Variants in PRAG1 observed in about 807,000 individuals in gnomAD.
PRAG1 encodes PEAK1 related, kinase-activating pseudokinase 1.
A neutral mutation model predicts 95.6 loss-of-function variants in PRAG1; 110 were observed. The observed-to-expected ratio is 1.15, with a 90% CI of 0.99 to 1.35. The LOEUF is 1.35. PRAG1 is among the 40% of genes most tolerant of loss of function. The pLI, the probability that PRAG1 is intolerant of heterozygous loss-of-function variation, is 0.00. For missense variants in PRAG1, 2,554 were observed against 1,864.7 expected, an observed-to-expected ratio of 1.37 and a Z score of -6.81; for synonymous variants, 1,052 against 819.4, an observed-to-expected ratio of 1.28 and a Z score of -4.85.
At chr8:8,351,354 C>G (rs957492432) in intron 3 of PRAG1, among the ~76,000 whole-genome samples, 1 of 152,098 alleles carries the variant, frequency 6.6e-6, no homozygotes, top group African/African-American at 2.4e-5. Flanking sequence ...CCACCAGACC[C>G]CATCTCCAAT....
In PRAG1 at chr8:8,328,172, G is replaced by C. The variant is rs773085902; in HGVS notation, c.2610C>G (p.Asn870Lys). The C allele has an allele frequency of 6.2e-7, 1 of 1,614,074 alleles. No individual in the cohort carries two copies. Among genetic ancestry groups the C allele is most frequent in the African/African-American group, 1.3e-5 (1 of 74,918 alleles). Residue 870 changes from asparagine to lysine, a missense_variant, in exon 5 of 6, where the codon AAC (asparagine) becomes AAG (lysine). Transcript: ENST00000615670. ...AAGAGGAGAAGACAGGATGGTGGCG[G>C]TTCCCGGGGCTCAACGAATAGCTAA... is the stretch of plus-strand genomic sequence containing the variant. ...SHFSYSLSPG[N>K]RHHPVFSSSD...
At position 8,317,772 on chromosome 8, in the gene PRAG1, C is replaced by A. The variant is rs1190482747; in HGVS notation, c.*382G>T. 6.4e-6 allele frequency: 1 copy of A among 155,170 alleles called. No individual in the cohort carries two copies. The highest frequency in any genetic ancestry group is 1.4e-5 in the Non-Finnish European group (1 of 70,436). 9.6% of individuals were successfully genotyped at this position (155,170 alleles called of 1,614,324 possible). A position where few individuals can be genotyped will look rare whatever the true frequency, so the allele number is the denominator to read the frequency against. ...CCAAAAAAAATTTTAATGGAATTTTCTTCTTTTTTTTTTTTCTTTAAATAA... is the reference window on the plus strand; with the variant it reads ...CCAAAAAAAATTTTAATGGAATTTTATTCTTTTTTTTTTTTCTTTAAATAA... On this transcript the variant is annotated 3_prime_UTR_variant, in exon 6 of 6. Transcript: ENST00000615670.
chr8:8,377,603 G>T lies in PRAG1; in HGVS notation c.806C>A (p.Ala269Asp), dbSNP rs763990032. The T allele has an allele frequency of 1.2e-6, 2 of 1,613,014 alleles. No homozygotes were observed. Among genetic ancestry groups the T allele is most frequent in the East Asian group, 4.5e-5 (2 of 44,864 alleles). ...GCCCCGGGAACCTGCAGTCTGGGAG[G>T]CAGCCTTGGCAACAGGGCTCCCAGG... ...CCPGSPVAKAASQTAGSRGRH... is the reference protein window; with the variant it reads ...CCPGSPVAKADSQTAGSRGRH... The change falls in exon 3 of 6, where the codon GCC becomes GAC. Residue 269 changes from alanine to aspartate, a missense_variant. Physicochemically the swap from Ala to Asp is moderately radical, Grantham distance 126. Transcript: ENST00000615670.
rs1418644118 is a variant in PRAG1 at position 8,319,160 on chromosome 8, G to A, written c.3215C>T (p.Pro1072Leu). 5.6e-6 allele frequency: 9 copies of A among 1,604,808 alleles called. No homozygotes were observed. The highest frequency in any genetic ancestry group is 7.7e-6 in the Non-Finnish European group (9 of 1,175,416). Residue 1072 changes from proline to leucine, a missense_variant, in exon 6 of 6, where the codon CCT (proline) becomes CTT (leucine). Transcript: ENST00000615670. ...MLSSPDAPKDPVPALPTHPPA... is the reference protein window; with the variant it reads ...MLSSPDAPKDLVPALPTHPPA... ...GGGGTGTGTGGGCAGGGCAGGCACAGGGTCCTTGGGCGCGTCGGGGGAGCT... is the reference window on the plus strand; with the variant it reads ...GGGGTGTGTGGGCAGGGCAGGCACAAGGTCCTTGGGCGCGTCGGGGGAGCT...
intron 3 of PRAG1, among the ~76,000 whole-genome samples, chr8:8,364,646 A>G (rs913547392): frequency 2.6e-5 from 4 of 151,094 alleles, no homozygotes; most frequent in African/African-American, 9.7e-5. Flanking sequence ...ATATGACACT[A>G]TATGGCAGGA....
intron 3 of PRAG1, among the ~76,000 whole-genome samples, chr8:8,361,652 G>T (rs1799851244): frequency 6.6e-6 from 1 of 152,152 alleles, no homozygotes; most frequent in African/African-American, 2.4e-5. Flanking sequence ...ATTGGATGGG[G>T]ACATACAAGG....
In PRAG1 at chr8:8,381,790, T is replaced by A; in HGVS notation, c.-43A>T. The A allele has an allele frequency of 6.7e-7, 1 of 1,490,062 alleles. No homozygotes were observed. 92.3% of individuals were successfully genotyped at this position (1,490,062 alleles called of 1,614,324 possible). ...CTGGTTCATCTTGCGCCCGGCTCTCTGGTGCAGTTTTGTGGGATTCAGAGG... is the reference window on the plus strand; with the variant it reads ...CTGGTTCATCTTGCGCCCGGCTCTCAGGTGCAGTTTTGTGGGATTCAGAGG... On this transcript the variant is annotated 5_prime_UTR_variant, in exon 2 of 6. Coordinates refer to ENST00000615670, the MANE Select transcript of PRAG1 (RefSeq NM_001080826.3).
chr8:8,323,117 C>G (rs543296682), intron 5 of PRAG1, among the ~76,000 whole-genome samples: 2 of 152,272 alleles, frequency 1.3e-5, no homozygotes, highest in South Asian at 2.1e-4. Context: ...AGGGCTGAAA[C>G]AAGATGGGAG....
intron 3 of PRAG1, among the ~76,000 whole-genome samples, chr8:8,375,041 T>C (rs1177011678): frequency 6.6e-6 from 1 of 151,864 alleles, no homozygotes; most frequent in Non-Finnish European, 1.5e-5. Context: ...GAAATTTTTT[T>C]TCCCCAGCAT....
intron 5 of PRAG1, among the ~76,000 whole-genome samples, chr8:8,322,059 T>C (rs1190925335): frequency 6.6e-6 from 1 of 152,246 alleles, no homozygotes; most frequent in Non-Finnish European, 1.5e-5. Context: ...TGAAAAATGC[T>C]TATCTAACAC....
intron 2 of PRAG1, 40 bp from the exon 3 acceptor site, chr8:8,378,118 T>C: frequency 6.7e-7 from 1 of 1,502,076 alleles, no homozygotes; most frequent in African/African-American, 1.4e-5. Context: ...ATATTAGAAC[T>C]TGTCATAGAA....
Position 8,349,932 on chromosome 8 carries a change from C to T in PRAG1, c.2163-10297G>A, listed in dbSNP as rs111356032. On this transcript the variant is annotated intron_variant, in intron 3 of 5. Coordinates refer to ENST00000615670, the MANE Select transcript of PRAG1 (RefSeq NM_001080826.3). ...AGTTACATTAAAAGATAGGAAAATA[C>T]ACACACACACACACACACACACACA... Among the ~76,000 whole-genome samples the T allele has an allele frequency of 4.6e-3, 517 of 112,430 alleles. 3 individuals are homozygous for T. The highest frequency in any genetic ancestry group is 0.015 in the African/African-American group (467 of 31,398). The allele number at this position is 112,430 out of a possible 152,430, so 73.8% of individuals were successfully genotyped here.
chr8:8,318,567 G>T lies in PRAG1; in HGVS notation c.3808C>A (p.Pro1270Thr), dbSNP rs1433111602. Residue 1270 changes from proline to threonine, a missense_variant, in exon 6 of 6, where the codon CCG becomes ACG. By Grantham distance (38) the Pro-to-Thr change is conservative. Coordinates refer to ENST00000615670, the MANE Select transcript of PRAG1 (RefSeq NM_001080826.3). This position sits in a 1 kb window ranked among gnomAD's most constrained non-coding sequence, Gnocchi z 4.2. The stretch of plus-strand genomic sequence containing the variant: ...CGCAGCTGGGCGCGCACCTCGAACG[G>T]GTTGGGTTGGTGCAGCAGCTCGTAG... ...LIYELLHQPNPFEVRAQLRER... is the reference protein window; with the variant it reads ...LIYELLHQPNTFEVRAQLRER... 1 of 1,613,758 alleles carries T rather than the reference G, an allele frequency of 6.2e-7. No individual in the cohort carries two copies. Among genetic ancestry groups the T allele is most frequent in the Admixed American group, 1.7e-5 (1 of 60,026 alleles).
At chr8:8,345,858 A>T in intron 3 of PRAG1, among the ~76,000 whole-genome samples, 1 of 152,218 alleles carries the variant, frequency 6.6e-6, no homozygotes, top group East Asian at 1.9e-4. Context: ...ATTAAAAAGC[A>T]TCCGCCCTGG....
chr8:8,364,933 G>C (rs1799954073), intron 3 of PRAG1, among the ~76,000 whole-genome samples: 1 of 151,980 alleles, frequency 6.6e-6, no homozygotes, highest in Admixed American at 6.6e-5. Context: ...TGGGATCAAG[G>C]GTCTGGAAAT....
At chr8:8,358,973 G>T (rs1203198702) in intron 3 of PRAG1, among the ~76,000 whole-genome samples, 1 of 152,220 alleles carries the variant, frequency 6.6e-6, no homozygotes, top group Non-Finnish European at 1.5e-5. Context: ...GGACATGCCT[G>T]AGCAAGCCAA....
At chr8:8,346,298 T>A (rs1459538646) in intron 3 of PRAG1, among the ~76,000 whole-genome samples, 1 of 152,254 alleles carries the variant, frequency 6.6e-6, no homozygotes, top group African/African-American at 2.4e-5. Context: ...TCTTATCATC[T>A]ACAGTGAGAG....
rs1339517866 is a variant in PRAG1 at position 8,381,418 on chromosome 8, C to T, written c.330G>A (p.Gln110=). The T allele has an allele frequency of 6.2e-7, 1 of 1,602,534 alleles. No individual in the cohort carries two copies. Among genetic ancestry groups the T allele is most frequent in the Non-Finnish European group, 8.5e-7 (1 of 1,170,660 alleles). The part of the protein sequence containing the change: ...TEANLSAEVS[Q]VIWRRAPGKL... ...TACCACGAGTGTTAGTCAGCCTCAC[C>T]TGCGAGACTTCGGCACTCAGGTTGG... Residue 110 remains glutamine (Q), a splice_region_variant and synonymous_variant, in exon 2 of 6, where the codon CAG becomes CAA. Coordinates refer to ENST00000615670, the MANE Select transcript of PRAG1 (RefSeq NM_001080826.3).
At position 8,318,110 on chromosome 8, in the gene PRAG1, G is replaced by A. The variant is rs139219847; in HGVS notation, c.*44C>T. 17 of 1,564,184 alleles carry A rather than the reference G, an allele frequency of 1.1e-5. No homozygotes were observed. In the African/African-American group the frequency reaches 2.2e-4, roughly 20 times the overall value. ...TGCTTCCAAGGCGAGACAGGAAAGG[G>A]TTAGGCAGGGAAGGGGCAGCGACGG... is the stretch of plus-strand genomic sequence containing the variant. On this transcript the variant is annotated 3_prime_UTR_variant, in exon 6 of 6. Coordinates refer to ENST00000615670, the MANE Select transcript of PRAG1 (RefSeq NM_001080826.3). The surrounding 1 kb of genome is among the most constrained non-coding windows in gnomAD (Gnocchi z 4.2).
Sources: gnomAD v4.1 joint callset for allele counts (sites outside exome capture counted in the v4.1 genomes callset) on GRCh38, gnomAD v4.1.1 for gene constraint, Gnocchi (gnomAD v3.1) non-coding constraint, MANE v1.5 for transcripts, NCBI Gene and HGNC (gene_info 2026-07-23, HGNC 2026-07-21) for gene names.